RUFY4: variants seen among roughly 807,000 people sequenced by gnomAD.
RUFY4 encodes the protein RUN and FYVE domain containing 4.
A neutral mutation model predicts 69.0 loss-of-function variants in RUFY4; 73 were observed. The ratio of observed to expected loss-of-function variants is 1.06; its 90% CI spans 0.88 to 1.29. RUFY4 has a LOEUF of 1.29. Among genes scored for constraint, RUFY4 ranks in the 50% most tolerant of loss-of-function variants. The pLI is 0.00. For missense variants in RUFY4, 770 were observed against 705.6 expected, an observed-to-expected ratio of 1.09 and a Z score of -1.03; for synonymous variants, 287 against 271.8, an observed-to-expected ratio of 1.06 and a Z score of -0.55.
chr2:218,049,788 G>C (rs189327439), intron 2 of RUFY4, among the ~76,000 whole-genome samples: 1 of 152,150 alleles, frequency 6.6e-6, no homozygotes, highest in Admixed American at 6.5e-5. Context: ...GATTACAGGC[G>C]TGAGCCACCG....
At chr2:218,050,953 T>C (rs1478765744) in intron 2 of RUFY4, among the ~76,000 whole-genome samples, 1 of 152,224 alleles carries the variant, frequency 6.6e-6, no homozygotes, top group Non-Finnish European at 1.5e-5. Flanking sequence ...CATTTATACA[T>C]AAAGTTTTCA....
At chr2:218,077,430 G>A (rs1419929725) in intron 8 of RUFY4, among the ~76,000 whole-genome samples, 2 of 152,108 alleles carry the variant, frequency 1.3e-5, no homozygotes, top group Non-Finnish European at 2.9e-5. Flanking sequence ...GTGCAGACTG[G>A]TCTCAAATTC....
chr2:218,072,110 A>T (rs568347929), intron 2 of RUFY4, among the ~76,000 whole-genome samples: 1 of 152,322 alleles, frequency 6.6e-6, no homozygotes, highest in African/African-American at 2.4e-5. Flanking sequence ...TCATAGTTGT[A>T]TCCCCAGACA....
intron 2 of RUFY4, among the ~76,000 whole-genome samples, chr2:218,047,816 A>G (rs547272303): frequency 6.1e-4 from 93 of 152,300 alleles, no homozygotes; most frequent in African/African-American, 2.0e-3. Context: ...AGTGATTAAT[A>G]ATTTTAGTAG....
chr2:218,043,700 C>T (rs1027589918), intron 2 of RUFY4, among the ~76,000 whole-genome samples: 2 of 152,208 alleles, frequency 1.3e-5, no homozygotes, highest in African/African-American at 4.8e-5. Context: ...AGAAAAAGCA[C>T]CACAAGCTCC....
intron 2 of RUFY4, among the ~76,000 whole-genome samples, chr2:218,046,014 G>C (rs114651222): frequency 0.034 from 5,173 of 152,078 alleles, 105 homozygotes; most frequent in Middle Eastern, 0.068. Context: ...CATCGTGTTA[G>C]CCAGATGTTC....
chr2:218,081,033 A>G (rs1479244106), intron 8 of RUFY4, among the ~76,000 whole-genome samples: 1 of 152,222 alleles, frequency 6.6e-6, no homozygotes, highest in Non-Finnish European at 1.5e-5. Flanking sequence ...TAAAACACCA[A>G]GCTCAGGCCT....
intron 2 of RUFY4, among the ~76,000 whole-genome samples, chr2:218,037,450 AAAGT>A (rs1470603845): frequency 6.6e-6 from 1 of 152,258 alleles, no homozygotes; most frequent in Non-Finnish European, 1.5e-5. Flanking sequence ...AAAGATAATC[AAAGT>A]AAGACTAATT....
At chr2:218,072,952 C>A (rs1689528446) in intron 4 of RUFY4, 67 bp downstream of exon 6, 2 of 1,243,036 alleles carry the variant, frequency 1.6e-6, no homozygotes. Flanking sequence ...GTAAAAGAGC[C>A]CTCCTTTAAC....
At chr2:218,038,521 T>C (rs1046369102) in intron 2 of RUFY4, among the ~76,000 whole-genome samples, 1 of 152,216 alleles carries the variant, frequency 6.6e-6, no homozygotes, top group Non-Finnish European at 1.5e-5. Context: ...ATTTAAAGAA[T>C]ATTACACTTC....
Position 218,057,224 on chromosome 2 carries a change from C to A in RUFY4, c.-1157-1371C>A, listed in dbSNP as rs367905962. On this transcript the variant is annotated intron_variant and NMD_transcript_variant, in intron 2 of 13. Coordinates refer to the RUFY4 transcript ENST00000457754. Reference sequence around the variant, plus strand: ...CTTAACATTTCTCTTTCTAATAAAACCTGCAACTTTCTCTTTGTTGCAAAG... The same window carrying A: ...CTTAACATTTCTCTTTCTAATAAAAACTGCAACTTTCTCTTTGTTGCAAAG... 4.6e-5 allele frequency among the ~76,000 whole-genome samples: 7 copies of A among 152,202 alleles called. No homozygotes were observed. In the East Asian group the frequency reaches 1.3e-3, roughly 29 times the overall value.
chr2:218,079,491 G>A (rs1158216462), intron 8 of RUFY4, among the ~76,000 whole-genome samples: 1 of 152,156 alleles, frequency 6.6e-6, no homozygotes, highest in East Asian at 1.9e-4. Flanking sequence ...TCAGAGCTTG[G>A]TTTTGAACAC....
At position 218,073,361 on chromosome 2, in the gene RUFY4, G is replaced by T. The variant is rs201339003; in HGVS notation, c.505G>T (p.Asp169Tyr). The T allele has an allele frequency of 4.2e-4, 666 of 1,592,578 alleles. 1 individual carries two copies. Among genetic ancestry groups the T allele is most frequent in the Admixed American group, 1.3e-3 (76 of 56,962 alleles). Reference sequence around the variant, plus strand: ...GTTGGACCTCCAGCAGCCAGACCTGGATGGAGCCTGGCCCATGTTCTCAGA... The same window carrying T: ...GTTGGACCTCCAGCAGCCAGACCTGTATGGAGCCTGGCCCATGTTCTCAGA... The change falls in exon 5 of 11, where the codon GAT (aspartate) becomes TAT (tyrosine). Residue 169 changes from aspartate to tyrosine, a missense_variant. Asp to Tyr is a radical substitution (Grantham distance 160). Transcript: ENST00000344321.
chr2:218,052,899 C>T (rs1235166757), intron 2 of RUFY4, among the ~76,000 whole-genome samples: 4 of 150,940 alleles, frequency 2.7e-5, no homozygotes, highest in South Asian at 4.2e-4. Flanking sequence ...TTTTATTATC[C>T]TTCTGATTCA....
At chr2:218,047,502 G>A (rs78938183) in intron 2 of RUFY4, among the ~76,000 whole-genome samples, 3 of 151,918 alleles carry the variant, frequency 2.0e-5, no homozygotes, top group Non-Finnish European at 2.9e-5. Context: ...AGGAAAACAC[G>A]TACATTTTAT....
chr2:218,035,044 G>A (rs1363369318), exon 1 of RUFY4: 2 of 152,344 alleles, frequency 1.3e-5, no homozygotes, highest in East Asian at 1.9e-4. Flanking sequence ...AGGTGGGCCT[G>A]AGAGGACCCA....
upstream of RUFY4, chr2:218,068,877 C>G (rs1689411253): frequency 6.6e-6 from 1 of 152,438 alleles, no homozygotes; most frequent in South Asian, 2.1e-4. Context: ...CTGCCCTCCC[C>G]ACTCTGGAGC....
At chr2:218,043,319 A>C (rs996456227) in intron 2 of RUFY4, among the ~76,000 whole-genome samples, 8 of 152,064 alleles carry the variant, frequency 5.3e-5, no homozygotes, top group African/African-American at 1.9e-4. Flanking sequence ...TGAAGAGGAT[A>C]GCTCCTCTCT....
chr2:218,064,790 C>A (rs1448634849), upstream of RUFY4, among the ~76,000 whole-genome samples: 1 of 152,074 alleles, frequency 6.6e-6, no homozygotes. Flanking sequence ...TTCCAGGTCC[C>A]CCTCCTATTC....
Sources: gnomAD v4.1 joint callset for allele counts (sites outside exome capture counted in the v4.1 genomes callset) on GRCh38, gnomAD v4.1.1 for gene constraint, MANE v1.5 for transcripts, NCBI Gene and HGNC (gene_info 2026-07-23, HGNC 2026-07-21) for gene names.